LIPA: variants seen among roughly 807,000 people sequenced by gnomAD.
LIPA encodes the protein lysosomal acid lipase/cholesteryl ester hydrolase.
In LIPA, 26 loss-of-function variants were observed where a neutral mutation model predicts 40.6. That is an observed-to-expected ratio of 0.64 (90% confidence interval 0.47 to 0.89). The LOEUF is 0.89. Ranked by LOEUF, LIPA falls within the 40% of genes least tolerant of loss-of-function variation. LIPA has a pLI of 0.00. For missense variants in LIPA, 455 were observed against 479.6 expected, an observed-to-expected ratio of 0.95 and a Z score of 0.48; for synonymous variants, 188 against 168.4, an observed-to-expected ratio of 1.12 and a Z score of -0.90.
At chr10:89,322,643 A>C (rs1308843185) in intron 1 of LIPA, among the ~76,000 whole-genome samples, 1 of 150,974 alleles carries the variant, frequency 6.6e-6, no homozygotes, top group Non-Finnish European at 1.5e-5. Context: ...CTCTAGTCCA[A>C]GGAGACTTCT....
intron 1 of LIPA, among the ~76,000 whole-genome samples, chr10:89,316,204 A>G (rs1260706622): frequency 2.0e-5 from 3 of 152,272 alleles, no homozygotes; most frequent in Middle Eastern, 3.4e-3. Flanking sequence ...TACTGGGTTC[A>G]TCTCACTGGG....
At chr10:89,343,177 G>A (rs112462374), upstream of LIPA, among the ~76,000 whole-genome samples, 27 of 152,302 alleles carry the variant, frequency 1.8e-4, no homozygotes, top group African/African-American at 6.3e-4. Flanking sequence ...AAAGTTTTAT[G>A]TGATATGAGA....
intron 1 of LIPA, chr10:89,340,977 G>A (rs1331303208): frequency 6.6e-6 from 1 of 152,206 alleles, no homozygotes; most frequent in African/African-American, 2.4e-5. Context: ...TAGAATAGAG[G>A]TAATTGTGTG....
At chr10:89,226,261 T>C (rs1246984242) in intron 5 of LIPA, among the ~76,000 whole-genome samples, 1 of 152,184 alleles carries the variant, frequency 6.6e-6, no homozygotes, top group African/African-American at 2.4e-5. Flanking sequence ...AGGCTCCTTC[T>C]AGGAATATAT....
chr10:89,325,553 T>C (rs1843593681), intron 1 of LIPA, among the ~76,000 whole-genome samples: 1 of 152,172 alleles, frequency 6.6e-6, no homozygotes, highest in Admixed American at 6.5e-5. Flanking sequence ...AAGAATATCA[T>C]GTCCTTTGCA....
At chr10:89,378,225 G>A in intron 2 of LIPA, 1 of 1,386,750 alleles carries the variant, frequency 7.2e-7, no homozygotes, top group Non-Finnish European at 1.0e-6. Context: ...TTTTTGACAG[G>A]CCTTCTCCTA....
chr10:89,245,933 T>G, intron 2 of LIPA, 140 bp from the exon 3 acceptor site: 1 of 705,002 alleles, frequency 1.4e-6, no homozygotes, highest in Non-Finnish European at 2.6e-6. Flanking sequence ...CTGCTAAATC[T>G]AGTAGCCAAC....
intron 3 of LIPA, among the ~76,000 whole-genome samples, chr10:89,233,735 G>A (rs913206880): frequency 6.6e-6 from 1 of 152,108 alleles, no homozygotes; most frequent in Non-Finnish European, 1.5e-5. Flanking sequence ...CCCTCGTGGT[G>A]GGTGCCTGTA....
chr10:89,271,161 T>TG (rs1262798178), intron 1 of LIPA, among the ~76,000 whole-genome samples: 5 of 152,250 alleles, frequency 3.3e-5, no homozygotes, highest in Non-Finnish European at 7.3e-5. Flanking sequence ...GAGTTCCATG[T>TG]GACCAGTTGA....
At chr10:89,236,410 AC>A (rs2133449203) in intron 3 of LIPA, among the ~76,000 whole-genome samples, 1 of 152,382 alleles carries the variant, frequency 6.6e-6, no homozygotes, top group African/African-American at 2.4e-5. Context: ...AGTAAATTGC[AC>A]ATTGCAGTAA....
rs971931180 is a variant in LIPA at position 89,361,349 on chromosome 10, G to A, written c.61+51442C>T. ...ATTCAGAAAAGTCACTTTGCCCACC[G>A]TCTTGTTTTAGGGGGAAGAATAAAA... On this transcript the variant is annotated intron_variant, in intron 2 of 8. Coordinates refer to the LIPA transcript ENST00000371837. Among the ~76,000 whole-genome samples, 11 of 152,294 alleles carry A rather than the reference G, an allele frequency of 7.2e-5. No individual in the cohort carries two copies. In the South Asian group the frequency reaches 8.3e-4, roughly 11 times the overall value.
intron 2 of LIPA, among the ~76,000 whole-genome samples, chr10:89,409,683 C>T (rs1841455717): frequency 6.6e-6 from 1 of 152,204 alleles, no homozygotes; most frequent in Non-Finnish European, 1.5e-5. Context: ...GTGTTAATCT[C>T]CTGTCCTGGA....
At chr10:89,359,071 GGTT>G (rs2133590780) in intron 2 of LIPA, among the ~76,000 whole-genome samples, 1 of 152,234 alleles carries the variant, frequency 6.6e-6, no homozygotes, top group Admixed American at 6.5e-5. Context: ...AGGTGTCAGG[GGTT>G]TTCTCAGGTG....
upstream of LIPA, among the ~76,000 whole-genome samples, chr10:89,252,857 A>C (rs1009369851): frequency 6.6e-6 from 1 of 151,934 alleles, no homozygotes; most frequent in African/African-American, 2.4e-5. Context: ...TATGGTAATC[A>C]GGAAAGGACT....
chr10:89,254,057 T>G (rs1458187122), upstream of LIPA, among the ~76,000 whole-genome samples: 1 of 152,232 alleles, frequency 6.6e-6, no homozygotes, highest in African/African-American at 2.4e-5. Flanking sequence ...CTTTCCCAGG[T>G]GCACAGTGCA....
rs749119927 is a variant in LIPA at position 89,374,929 on chromosome 10, G to A, written c.61+37862C>T. Among the ~76,000 whole-genome samples the A allele has an allele frequency of 1.1e-4, 17 of 152,274 alleles. No individual in the cohort carries two copies. In the South Asian group the frequency reaches 1.9e-3, roughly 17 times the overall value. The stretch of plus-strand genomic sequence containing the variant: ...AGATGGGAATATGTAGATTGCCCTG[G>A]CCTGAAGCTCAGAACAGGACACCCC... On this transcript the variant is annotated intron_variant, in intron 2 of 8. Transcript: ENST00000371837.
At chr10:89,378,546 A>C (rs1844139201) in intron 2 of LIPA, among the ~76,000 whole-genome samples, 1 of 152,224 alleles carries the variant, frequency 6.6e-6, no homozygotes, top group Non-Finnish European at 1.5e-5. Flanking sequence ...CAAGCAGAGC[A>C]CAGTGGGAGC....
chr10:89,338,030 T>A (rs1455668465), intron 1 of LIPA, among the ~76,000 whole-genome samples: 1 of 152,214 alleles, frequency 6.6e-6, no homozygotes, highest in Non-Finnish European at 1.5e-5. Context: ...ATGTAAGGGT[T>A]CTGAGCACAT....
At chr10:89,382,603 G>T (rs538755435) in intron 2 of LIPA, among the ~76,000 whole-genome samples, 1 of 152,342 alleles carries the variant, frequency 6.6e-6, no homozygotes, top group Non-Finnish European at 1.5e-5. Flanking sequence ...ACTTACAAAA[G>T]TGGGACTTGC....
Sources: gnomAD v4.1 joint callset for allele counts (sites outside exome capture counted in the v4.1 genomes callset) on GRCh38, gnomAD v4.1.1 for gene constraint, MANE v1.5 for transcripts, NCBI Gene and HGNC (gene_info 2026-07-23, HGNC 2026-07-21) for gene names.